The following OR51B2 variants were observed in gnomAD, a reference collection of about 807,000 sequenced individuals.
OR51B2 encodes the protein olfactory receptor family 51 subfamily B member 2.
For synonymous variants in OR51B2, 158 were observed against 135.3 expected (o/e 1.17, Z -1.16); for missense variants, 463 against 380.1 (o/e 1.22, Z -1.81).
rs754232748 is a variant in OR51B2, at chr11:5,324,114, T to G, written c.184A>C (p.Thr62Pro). The G allele has an allele frequency of 6.8e-6, 11 of 1,613,690 alleles. No individual in the cohort carries two copies. In the African/African-American group the frequency reaches 1.5e-4, roughly 22 times the overall value. Residue 62 changes from threonine (T) to proline (P), a missense_variant, in exon 1 of 1, where the codon ACC becomes CCC. Coordinates refer to ENST00000624187, the MANE Select transcript of OR51B2 (RefSeq NM_033180.5). ...ATGAGGTCTGTGCCTGCCAGCATGGTGAGGAAGTAGTACATGGGCTCATGA... is the reference window on the plus strand; with the variant it reads ...ATGAGGTCTGTGCCTGCCAGCATGGGGAGGAAGTAGTACATGGGCTCATGA... Reference protein sequence around the residue: ...SLHEPMYYFLTMLAGTDLMVT... With the variant: ...SLHEPMYYFLPMLAGTDLMVT...
In OR51B2 at chr11:5,324,047, C is replaced by T; in HGVS notation, c.251G>A (p.Trp84Ter). 1 of 1,613,808 alleles carries T rather than the reference C, an allele frequency of 6.2e-7. No individual in the cohort carries two copies. The change falls in exon 1 of 1, where the codon TGG (tryptophan) becomes TAG (stop). Residue 84 changes from tryptophan (W) to a stop codon, truncating the protein, a stop_gained. Coordinates refer to ENST00000624187, the MANE Select transcript of OR51B2 (RefSeq NM_033180.5). LOFTEE classifies it low-confidence loss of function (END_TRUNC). ...TTMPTVMGIL[W>*]VNHREISSVG... ...ACTGCTAATCTCCCTGTGATTCACC[C>T]ATAGGATGCCCATTACAGTAGGCAT...
chr11:5,323,942 T>G lies in OR51B2; in HGVS notation c.356A>C (p.Asp119Ala). Residue 119 changes from aspartate (D) to alanine (A), a missense_variant, in exon 1 of 1, where the codon GAT becomes GCT. Coordinates refer to ENST00000624187, the MANE Select transcript of OR51B2 (RefSeq NM_033180.5). ...AGGATTGCGGATGGCAATGAAACAA[T>G]CATATGCCATTGCCAGGAGGGAACC... ...ESGSLLAMAYDCFIAIRNPLR... is the reference protein window; with the variant it reads ...ESGSLLAMAYACFIAIRNPLR... 1 of 1,613,854 alleles carries G rather than the reference T, an allele frequency of 6.2e-7. No individual in the cohort carries two copies.
chr11:5,323,781 T>C lies in OR51B2; in HGVS notation c.517A>G (p.Thr173Ala). ...TCTTGGTGGAGGCAGAAAGCACGTG[T>C]GATAACATGAGATTTGCAATATGAA... is the stretch of plus-strand genomic sequence containing the variant. ...SFSYCKSHVI[T>A]RAFCLHQEIM... The change falls in exon 1 of 1, where the codon ACA (threonine) becomes GCA (alanine). Residue 173 changes from threonine (T) to alanine (A), a missense_variant. Thr to Ala is a moderately conservative substitution (Grantham distance 58). Transcript: ENST00000624187. The C allele has an allele frequency of 1.2e-6, 2 of 1,613,544 alleles. No individual in the cohort carries two copies. The highest frequency in any genetic ancestry group is 1.3e-5 in the African/African-American group (1 of 74,918).
chr11:5,323,426 C>T lies in OR51B2; in HGVS notation c.872G>A (p.Ser291Asn), dbSNP rs142479482. 153 of 1,613,754 alleles carry T rather than the reference C, an allele frequency of 9.5e-5. No homozygotes were observed. The African/African-American group carries it at 1.9e-3, about 20-fold the overall frequency. Residue 291 changes from serine to asparagine, a missense_variant, in exon 1 of 1, where the codon AGC becomes AAC. Ser to Asn is a conservative substitution (Grantham distance 46). Transcript: ENST00000624187. ...ATATTGTATTTGCTTGGTTTTGATGCTGTAGATGACAGGGTTCATTAAAGG... is the reference window on the plus strand; with the variant it reads ...ATATTGTATTTGCTTGGTTTTGATGTTGTAGATGACAGGGTTCATTAAAGG... ...FPPLMNPVIY[S>N]IKTKQIQYGI...
Position 5,324,287 on chromosome 11 carries a change from T to C in OR51B2, c.11A>G (p.Asn4Ser). MWP[N>S]ITAAPFLLTG... ...CAGCAAAAAAGGGGCTGCAGTAATATTGGGCCACATAGTGTATCCACCGGT... is the reference window on the plus strand; with the variant it reads ...CAGCAAAAAAGGGGCTGCAGTAATACTGGGCCACATAGTGTATCCACCGGT... Residue 4 changes from asparagine (N) to serine (S), a missense_variant, in exon 1 of 1, where the codon AAT becomes AGT. Coordinates refer to ENST00000624187, the MANE Select transcript of OR51B2 (RefSeq NM_033180.5). 6.2e-7 allele frequency: 1 copy of C among 1,611,096 alleles called. No homozygotes were observed. Among genetic ancestry groups the C allele is most frequent in the Non-Finnish European group, 8.5e-7 (1 of 1,178,362 alleles).
In OR51B2 at chr11:5,323,535, C is replaced by A. The variant is rs751983525; in HGVS notation, c.763G>T (p.Gly255Cys). ...CCAAATCTGTAAATGAATGTCAAAC[C>A]CATCACTGTAACATAGAAGATAAGA... is the stretch of plus-strand genomic sequence containing the variant. ...CVLIFYVTVM[G>C]LTFIYRFGKN... is the part of the protein sequence containing the mutation. Residue 255 changes from glycine to cysteine, a missense_variant, in exon 1 of 1, where the codon GGT (glycine) becomes TGT (cysteine). Coordinates refer to ENST00000624187, the MANE Select transcript of OR51B2 (RefSeq NM_033180.5). 5.0e-6 allele frequency: 8 copies of A among 1,613,512 alleles called. No individual in the cohort carries two copies.
Position 5,324,242 on chromosome 11 carries a change from T to C in OR51B2, c.56A>G (p.Glu19Gly). ...GATGGAGATCCAGTGATGAGCTGCC[T>C]CCAGCCCTGGAAAGCCAGTCAGCAA... Reference protein sequence around the residue: ...PFLLTGFPGLEAAHHWISIPF... With the variant: ...PFLLTGFPGLGAAHHWISIPF... The change falls in exon 1 of 1, where the codon GAG (glutamate) becomes GGG (glycine). Residue 19 changes from glutamate to glycine, a missense_variant. Physicochemically the swap from Glu to Gly is moderately conservative, Grantham distance 98 (BLOSUM62 -2). Coordinates refer to ENST00000624187, the MANE Select transcript of OR51B2 (RefSeq NM_033180.5). The C allele has an allele frequency of 6.2e-7, 1 of 1,613,888 alleles. No homozygotes were observed. Among genetic ancestry groups the C allele is most frequent in the Non-Finnish European group, 8.5e-7 (1 of 1,179,872 alleles).
At position 5,323,946 on chromosome 11, in the gene OR51B2, A is replaced by AT. The variant is rs750556277; in HGVS notation, c.351dup (p.Tyr118IlefsTer2). On this transcript the variant is annotated frameshift_variant, in exon 1 of 1. Coordinates refer to ENST00000624187, the MANE Select transcript of OR51B2 (RefSeq NM_033180.5). LOFTEE classifies it low-confidence loss of function (END_TRUNC). ...TTGCGGATGGCAATGAAACAATCAT[A>AT]TGCCATTGCCAGGAGGGAACCTGAT... 6.8e-6 allele frequency: 11 copies of AT among 1,613,934 alleles called. No homozygotes were observed. The highest frequency in any genetic ancestry group is 9.3e-6 in the Non-Finnish European group (11 of 1,179,886).
chr11:5,323,406 G>A lies in OR51B2; in HGVS notation c.892C>T (p.Gln298Ter). ...GATAAAAGGCGGATAATGCCATATT[G>A]TATTTGCTTGGTTTTGATGCTGTAG... ...VIYSIKTKQI[Q>*]YGIIRLLSKH... is the part of the protein sequence containing the mutation. The change falls in exon 1 of 1, where the codon CAA (glutamine) becomes TAA (stop). Residue 298 changes from glutamine (Q) to a stop codon, truncating the protein, a stop_gained. Coordinates refer to ENST00000624187, the MANE Select transcript of OR51B2 (RefSeq NM_033180.5). LOFTEE classifies it low-confidence loss of function (END_TRUNC). 1 of 1,613,490 alleles carries A rather than the reference G, an allele frequency of 6.2e-7. No homozygotes were observed. The highest frequency in any genetic ancestry group is 8.5e-7 in the Non-Finnish European group (1 of 1,179,570).
rs746043607 is a variant in OR51B2, at chr11:5,323,797, G to A, written c.501C>T (p.Cys167=). ...AAGCACGTGTGATAACATGAGATTTGCAATATGAAAATGAAAAAAGACGCA... is the reference window on the plus strand; with the variant it reads ...AAGCACGTGTGATAACATGAGATTTACAATATGAAAATGAAAAAAGACGCA... The part of the protein sequence containing the change: ...VILRLFSFSY[C]KSHVITRAFC... The change falls in exon 1 of 1, where the codon TGC becomes TGT. Residue 167 remains cysteine (C), a synonymous_variant. Coordinates refer to ENST00000624187, the MANE Select transcript of OR51B2 (RefSeq NM_033180.5). 5.6e-6 allele frequency: 9 copies of A among 1,613,756 alleles called. No individual in the cohort carries two copies. In the South Asian group the frequency reaches 9.9e-5, roughly 18 times the overall value.
In OR51B2 at chr11:5,323,863, T is replaced by C. The variant is rs1194088213; in HGVS notation, c.435A>G (p.Gly145=). 1.9e-6 allele frequency: 3 copies of C among 1,613,332 alleles called. No individual in the cohort carries two copies. The highest frequency in any genetic ancestry group is 1.3e-5 in the African/African-American group (1 of 74,710). Residue 145 remains glycine (G), a synonymous_variant, in exon 1 of 1, where the codon GGA becomes GGG. Coordinates refer to ENST00000624187, the MANE Select transcript of OR51B2 (RefSeq NM_033180.5). ...TGGATACAAAACCCCTTAGAAACACTCCCACTCCTAACGCTATGACTCTAG... is the reference window on the plus strand; with the variant it reads ...TGGATACAAAACCCCTTAGAAACACCCCCACTCCTAACGCTATGACTCTAG... The part of the protein sequence containing the change: ...TNTRVIALGV[G]VFLRGFVSIL...
chr11:5,324,046 C>G lies in OR51B2; in HGVS notation c.252G>C (p.Trp84Cys). 2 of 1,613,780 alleles carry G rather than the reference C, an allele frequency of 1.2e-6. No homozygotes were observed. The highest frequency in any genetic ancestry group is 8.5e-7 in the Non-Finnish European group (1 of 1,179,880). ...TTMPTVMGIL[W>C]VNHREISSVG... ...CACTGCTAATCTCCCTGTGATTCAC[C>G]CATAGGATGCCCATTACAGTAGGCA... Residue 84 changes from tryptophan to cysteine, a missense_variant, in exon 1 of 1, where the codon TGG becomes TGC. Transcript: ENST00000624187.
Position 5,323,824 on chromosome 11 carries a change from A to C in OR51B2, c.474T>G (p.Ile158Met), listed in dbSNP as rs1210392599. 6.8e-6 allele frequency: 11 copies of C among 1,613,868 alleles called. No individual in the cohort carries two copies. Among genetic ancestry groups the C allele is most frequent in the Non-Finnish European group, 8.5e-6 (10 of 1,179,976 alleles). Residue 158 changes from isoleucine (I) to methionine (M), a missense_variant, in exon 1 of 1, where the codon ATT becomes ATG. Coordinates refer to ENST00000624187, the MANE Select transcript of OR51B2 (RefSeq NM_033180.5). ...AATATGAAAATGAAAAAAGACGCAAAATTACAGGCAGGATGGATACAAAAC... is the reference window on the plus strand; with the variant it reads ...AATATGAAAATGAAAAAAGACGCAACATTACAGGCAGGATGGATACAAAAC... ...LRGFVSILPV[I>M]LRLFSFSYCK...
At position 5,324,077 on chromosome 11, in the gene OR51B2, G is replaced by T; in HGVS notation, c.221C>A (p.Thr74Asn). The change falls in exon 1 of 1, where the codon ACC becomes AAC. Residue 74 changes from threonine to asparagine, a missense_variant. Transcript: ENST00000624187. ...GATGCCCATTACAGTAGGCATCGTGGTCAATGTCACCATGAGGTCTGTGCC... is the reference window on the plus strand; with the variant it reads ...GATGCCCATTACAGTAGGCATCGTGTTCAATGTCACCATGAGGTCTGTGCC... The part of the protein sequence containing the change: ...LAGTDLMVTL[T>N]TMPTVMGILW... 1.9e-6 allele frequency: 3 copies of T among 1,613,868 alleles called. No individual in the cohort carries two copies. The highest frequency in any genetic ancestry group is 2.2e-5 in the South Asian group (2 of 91,064).
Position 5,323,453 on chromosome 11 carries a change from G to A in OR51B2, c.845C>T (p.Pro282Leu), listed in dbSNP as rs1473870242. 1.2e-6 allele frequency: 2 copies of A among 1,613,380 alleles called. No homozygotes were observed. The highest frequency in any genetic ancestry group is 1.7e-6 in the Non-Finnish European group (2 of 1,179,524). ...GTAGATGACAGGGTTCATTAAAGGAGGAAAGAGGAAGTAGATGTAACTCAT... is the reference window on the plus strand; with the variant it reads ...GTAGATGACAGGGTTCATTAAAGGAAGAAAGAGGAAGTAGATGTAACTCAT... ...IIMSYIYFLF[P>L]PLMNPVIYSI... Residue 282 changes from proline to leucine, a missense_variant, in exon 1 of 1, where the codon CCT (proline) becomes CTT (leucine). Pro to Leu is a moderately conservative substitution (Grantham distance 98). Coordinates refer to ENST00000624187, the MANE Select transcript of OR51B2 (RefSeq NM_033180.5).
At position 5,323,555 on chromosome 11, in the gene OR51B2, A is replaced by G. The variant is rs1329693707; in HGVS notation, c.743T>C (p.Ile248Thr). The G allele has an allele frequency of 6.2e-7, 1 of 1,613,588 alleles. No individual in the cohort carries two copies. The highest frequency in any genetic ancestry group is 1.3e-5 in the African/African-American group (1 of 74,914). The change falls in exon 1 of 1, where the codon ATC becomes ACC. Residue 248 changes from isoleucine (I) to threonine (T), a missense_variant. By Grantham distance (89) the Ile-to-Thr change is moderately conservative. Coordinates refer to ENST00000624187, the MANE Select transcript of OR51B2 (RefSeq NM_033180.5). ...TCISHISCVL[I>T]FYVTVMGLTF... ...CAAACCCATCACTGTAACATAGAAG[A>G]TAAGAACACAACTAATGTGGGAGAT...
In OR51B2 at chr11:5,323,811, A is replaced by G. The variant is rs373331835; in HGVS notation, c.487T>C (p.Ser163Pro). ...SILPVILRLF[S>P]FSYCKSHVIT... Reference sequence around the variant, plus strand: ...ACATGAGATTTGCAATATGAAAATGAAAAAAGACGCAAAATTACAGGCAGG... The same window carrying G: ...ACATGAGATTTGCAATATGAAAATGGAAAAAGACGCAAAATTACAGGCAGG... The change falls in exon 1 of 1, where the codon TCA becomes CCA. Residue 163 changes from serine (S) to proline (P), a missense_variant. Transcript: ENST00000624187. 2.5e-6 allele frequency: 4 copies of G among 1,614,032 alleles called. No homozygotes were observed. In the African/African-American group the frequency reaches 5.3e-5, roughly 22 times the overall value.
chr11:5,323,631 C>A lies in OR51B2; in HGVS notation c.667G>T (p.Val223Phe). 1 of 1,612,416 alleles carries A rather than the reference C, an allele frequency of 6.2e-7. No individual in the cohort carries two copies. The highest frequency in any genetic ancestry group is 1.3e-5 in the African/African-American group (1 of 74,930). ...LFSYILILNT[V>F]IGIASGEERA... Reference sequence around the variant, plus strand: ...TCTTCACCAGAAGCAATGCCTATGACAGTATTAAGAATTAGAATATAGGAG... The same window carrying A: ...TCTTCACCAGAAGCAATGCCTATGAAAGTATTAAGAATTAGAATATAGGAG... The change falls in exon 1 of 1, where the codon GTC becomes TTC. Residue 223 changes from valine (V) to phenylalanine (F), a missense_variant. Physicochemically the swap from Val to Phe is conservative, Grantham distance 50. Coordinates refer to ENST00000624187, the MANE Select transcript of OR51B2 (RefSeq NM_033180.5).
Position 5,324,093 on chromosome 11 carries a change from G to C in OR51B2, c.205C>G (p.Leu69Val), listed in dbSNP as rs773067665. The C allele has an allele frequency of 1.2e-6, 2 of 1,613,884 alleles. No individual in the cohort carries two copies. The highest frequency in any genetic ancestry group is 1.7e-6 in the Non-Finnish European group (2 of 1,179,902). Reference protein sequence around the residue: ...YFLTMLAGTDLMVTLTTMPTV... With the variant: ...YFLTMLAGTDVMVTLTTMPTV... Reference sequence around the variant, plus strand: ...GGCATCGTGGTCAATGTCACCATGAGGTCTGTGCCTGCCAGCATGGTGAGG... The same window carrying C: ...GGCATCGTGGTCAATGTCACCATGACGTCTGTGCCTGCCAGCATGGTGAGG... The change falls in exon 1 of 1, where the codon CTC (leucine) becomes GTC (valine). Residue 69 changes from leucine (L) to valine (V), a missense_variant. Leu to Val is a conservative substitution (Grantham distance 32). Transcript: ENST00000624187.
Sources: allele counts gnomAD v4.1 joint callset, GRCh38; gene constraint gnomAD v4.1.1; transcripts MANE v1.5; gene names NCBI Gene and HGNC (gene_info 2026-07-23, HGNC 2026-07-21).